Variants in CDH18 observed in about 807,000 individuals in gnomAD.
CDH18 encodes the protein cadherin 18.
Under a neutral mutation model 67.9 loss-of-function variants are expected in CDH18, and 31 were observed. The observed-to-expected ratio is 0.46, with a 90% CI of 0.34 to 0.62. The LOEUF (loss-of-function observed/expected upper bound fraction) is 0.62, where lower values mean the gene tolerates loss of function less well. Among genes scored for constraint, CDH18 ranks in the 20% least tolerant of loss-of-function variants. The pLI is 0.01. For synonymous variants in CDH18, 362 were observed against 347.2 expected (o/e 1.04, Z -0.48); for missense variants, 890 against 975.5 (o/e 0.91, Z 1.17).
At chr5:19,581,884 T>C (rs1001422482) in intron 7 of CDH18, among the ~76,000 whole-genome samples, 2 of 152,068 alleles carry the variant, frequency 1.3e-5, no homozygotes, top group African/African-American at 2.4e-5. Flanking sequence ...ATAATATGCT[T>C]TGTGGCCCTT....
intron 2 of CDH18, among the ~76,000 whole-genome samples, chr5:20,245,925 C>T (rs1743342382): frequency 6.6e-6 from 1 of 151,976 alleles, no homozygotes; most frequent in East Asian, 1.9e-4. Flanking sequence ...AGCCCTTAAG[C>T]AGAAAGGGAC....
chr5:20,426,044 A>C (rs1748278053), intron 1 of CDH18, among the ~76,000 whole-genome samples: 1 of 151,162 alleles, frequency 6.6e-6, no homozygotes, highest in Admixed American at 6.6e-5. Context: ...GCTAACAATA[A>C]TTTTCATCAA....
intron 11 of CDH18, among the ~76,000 whole-genome samples, chr5:19,494,216 G>A (rs1741928029): frequency 6.6e-6 from 1 of 151,896 alleles, no homozygotes. Context: ...TTCCATTATT[G>A]TTTTTCCATC....
chr5:19,473,365 G>C lies in CDH18; in HGVS notation c.2234C>G (p.Ser745Ter). 1.2e-6 allele frequency: 2 copies of C among 1,613,908 alleles called. No individual in the cohort carries two copies. The highest frequency in any genetic ancestry group is 2.7e-5 in the African/African-American group (2 of 75,008). Residue 745 changes from serine (S) to a stop codon, truncating the protein, a stop_gained, in exon 13 of 13, where the codon TCA (serine) becomes TGA (stop). Transcript: ENST00000382275. LOFTEE classifies it high-confidence loss of function. ...CAGCGAGCTGATAGACCCAGCTTCT[G>C]ATCTCTGACCCTCATAGGCATAAGT... Reference protein sequence around the residue: ...LQTYAYEGQRSEAGSISSLDS... With the variant: ...LQTYAYEGQR
chr5:19,612,450 TG>T lies in CDH18; in HGVS notation c.794del (p.Pro265HisfsTer39). 6.2e-7 allele frequency: 1 copy of T among 1,614,072 alleles called. No homozygotes were observed. Among genetic ancestry groups the T allele is most frequent in the Non-Finnish European group, 8.5e-7 (1 of 1,179,990 alleles). ...NITLTDVNDN[P>X]PRFPQKHYQL... ...AATACGTACTTTGAGGAAAGCGTGG[TG>T]GGTTGTCATTGACATCGGTTAAGGT... On this transcript the variant is annotated frameshift_variant, in exon 6 of 13. Transcript: ENST00000382275. LOFTEE classifies it high-confidence loss of function.
At chr5:19,528,108 G>A (rs1416328524) in intron 9 of CDH18, among the ~76,000 whole-genome samples, 7 of 151,706 alleles carry the variant, frequency 4.6e-5, no homozygotes, top group Non-Finnish European at 1.0e-4. Flanking sequence ...TTGTGAAAAT[G>A]TCACAATTGG....
intron 1 of CDH18, among the ~76,000 whole-genome samples, chr5:20,479,947 T>C (rs1346189419): frequency 6.6e-6 from 1 of 152,106 alleles, no homozygotes; most frequent in Non-Finnish European, 1.5e-5. Flanking sequence ...GACTTTTCAA[T>C]AAAAACCTTA....
intron 2 of CDH18, among the ~76,000 whole-genome samples, chr5:19,979,801 A>T (rs553678392): frequency 6.6e-6 from 1 of 152,274 alleles, no homozygotes; most frequent in South Asian, 2.1e-4. Flanking sequence ...CTAATAGCAG[A>T]TTCACATTGA....
intron 2 of CDH18, among the ~76,000 whole-genome samples, chr5:19,943,686 T>G (rs201784135): frequency 1.3e-5 from 2 of 152,024 alleles, no homozygotes; most frequent in East Asian, 3.9e-4. Context: ...AGTCAATGAA[T>G]AATTAAAAAA....
At chr5:20,528,378 G>A (rs1401223348) in intron 1 of CDH18, among the ~76,000 whole-genome samples, 1 of 151,922 alleles carries the variant, frequency 6.6e-6, no homozygotes, top group East Asian at 1.9e-4. Flanking sequence ...TTCAGAACTT[G>A]AACTCAGCTC....
chr5:20,185,865 A>AT (rs78069861), intron 2 of CDH18, among the ~76,000 whole-genome samples: 95,228 of 150,814 alleles, frequency 0.63, 30,189 homozygotes, highest in East Asian at 0.72. Context: ...AAATTTATCT[A>AT]TTTTTTTTTC....
At chr5:19,710,411 G>A (rs1172661438) in intron 5 of CDH18, among the ~76,000 whole-genome samples, 1 of 152,154 alleles carries the variant, frequency 6.6e-6, no homozygotes. Context: ...CAAGGTCTCA[G>A]TGAGCTTGCA....
intron 3 of CDH18, among the ~76,000 whole-genome samples, chr5:19,814,456 G>A (rs1779078645): frequency 6.6e-6 from 1 of 151,844 alleles, no homozygotes; most frequent in Admixed American, 6.6e-5. Flanking sequence ...ATTTTGGACT[G>A]GATGATTATT....
intron 2 of CDH18, among the ~76,000 whole-genome samples, chr5:19,902,312 G>A (rs1001000203): frequency 5.9e-5 from 9 of 152,176 alleles, no homozygotes; most frequent in African/African-American, 2.2e-4. Flanking sequence ...ATGGCTGAAC[G>A]GATGGCAAAT....
intron 1 of CDH18, among the ~76,000 whole-genome samples, chr5:19,981,852 C>T (rs887405821): frequency 6.6e-6 from 1 of 152,120 alleles, no homozygotes; most frequent in Non-Finnish European, 1.5e-5. Context: ...GGCTTCCTAG[C>T]CAAATAGATA....
At chr5:19,894,124 C>T (rs751338875) in intron 2 of CDH18, among the ~76,000 whole-genome samples, 36 of 151,934 alleles carry the variant, frequency 2.4e-4, no homozygotes, top group Non-Finnish European at 5.0e-4. Flanking sequence ...TTTCTAATAA[C>T]CCTCAAACAC....
chr5:20,276,898 T>C (rs7709662), intron 1 of CDH18, among the ~76,000 whole-genome samples: 17,761 of 151,912 alleles, frequency 0.12, 1,582 homozygotes, highest in African/African-American at 0.24. Context: ...CACAGGCCTG[T>C]GGTGGTAGTG....
chr5:19,583,151 G>T (rs746677326), intron 7 of CDH18, among the ~76,000 whole-genome samples: 17 of 151,854 alleles, frequency 1.1e-4, no homozygotes, highest in South Asian at 2.1e-4. Flanking sequence ...TATAGGCAGG[G>T]ATACACTTGT....
At position 19,747,703 on chromosome 5, in the gene CDH18, T is replaced by C. The variant is rs544879847; in HGVS notation, c.229-467A>G. On this transcript the variant is annotated intron_variant, in intron 3 of 12. Transcript: ENST00000382275. Reference sequence around the variant, plus strand: ...GAGGTTCAAATTAATTATTAAAATTTTCACAAAAGAGGCACATATTTAAGT... The same window carrying C: ...GAGGTTCAAATTAATTATTAAAATTCTCACAAAAGAGGCACATATTTAAGT... Among the ~76,000 whole-genome samples, 4 of 152,150 alleles carry C rather than the reference T, an allele frequency of 2.6e-5. No individual in the cohort carries two copies. The Middle Eastern group carries it at 0.01, about 388-fold the overall frequency.
Sources: gnomAD v4.1 joint callset for allele counts (sites outside exome capture counted in the v4.1 genomes callset) on GRCh38, gnomAD v4.1.1 for gene constraint, MANE v1.5 for transcripts, NCBI Gene and HGNC (gene_info 2026-07-23, HGNC 2026-07-21) for gene names.